The following MAOA variants were observed in gnomAD, a reference collection of about 807,000 sequenced individuals.
The protein encoded by MAOA is amine oxidase [flavin-containing] A.
Under a neutral mutation model 42.0 loss-of-function variants are expected in MAOA, and 6 were observed. That is an observed-to-expected ratio of 0.14 (90% CI 0.08 to 0.28). MAOA has a LOEUF of 0.28. Among genes scored for constraint, MAOA ranks in the 10% least tolerant of loss-of-function variants. MAOA has a pLI of 1.00. For missense variants in MAOA, 262 were observed against 422.3 expected (o/e 0.62, Z 3.33); for synonymous variants, 140 against 154.0 (o/e 0.91, Z 0.67).
intron 1 of MAOA, among the ~76,000 whole-genome samples, chrX:43,657,605 T>C (rs1321823361): frequency 9.0e-6 from 1 of 111,122 alleles, no homozygotes; most frequent in Non-Finnish European, 1.9e-5. Context: ...TGTTTGAAAA[T>C]TAGGAATTTT....
intron 1 of MAOA, among the ~76,000 whole-genome samples, chrX:43,668,199 G>A (rs779827081): frequency 2.5e-4 from 28 of 112,064 alleles, no homozygotes; most frequent in Admixed American, 6.6e-4. Context: ...AGCCAAAATG[G>A]TACCTTATTT....
At chrX:43,725,239 G>T (rs2033822408) in intron 5 of MAOA, among the ~76,000 whole-genome samples, 1 of 111,219 alleles carries the variant, frequency 9.0e-6, no homozygotes, top group African/African-American at 3.3e-5. Context: ...GTTAATTTTT[G>T]TCTTGTTGAT....
At chrX:43,719,040 G>T (rs1325637225) in intron 5 of MAOA, among the ~76,000 whole-genome samples, 1 of 110,277 alleles carries the variant, frequency 9.1e-6, no homozygotes, top group Non-Finnish European at 1.9e-5. Flanking sequence ...CCCTGGTGGT[G>T]CCTGGGGGGA....
Position 43,712,816 on chromosome X carries a change from C to T in MAOA, c.503+20C>T. Reference sequence around the variant, plus strand: ...GACAAAGTAAGTAGACTTGACCATTCAAAATTTACTTTTTATCTTCCCTTC... The same window carrying T: ...GACAAAGTAAGTAGACTTGACCATTTAAAATTTACTTTTTATCTTCCCTTC... On this transcript the variant is annotated intron_variant, in intron 5 of 14. Coordinates refer to ENST00000338702, the MANE Select transcript of MAOA (RefSeq NM_000240.4). The T allele has an allele frequency of 9.1e-7, 1 of 1,101,481 alleles. No homozygotes were observed. The highest frequency in any genetic ancestry group is 1.3e-6 in the Non-Finnish European group (1 of 796,044). The allele number at this position is 1,101,481 out of a possible 1,213,427, so 90.8% of individuals were successfully genotyped here.
intron 1 of MAOA, among the ~76,000 whole-genome samples, chrX:43,680,614 G>T (rs1160045112): frequency 9.1e-6 from 1 of 110,170 alleles, no homozygotes; most frequent in Non-Finnish European, 1.9e-5. Flanking sequence ...GTGATGGTGT[G>T]TGCTTCCATC....
chrX:43,700,646 A>T (rs961193367), intron 3 of MAOA, among the ~76,000 whole-genome samples: 3 of 111,948 alleles, frequency 2.7e-5, no homozygotes, highest in Non-Finnish European at 5.6e-5. Flanking sequence ...AAGACCACAG[A>T]TGTATTCTAT....
At chrX:43,714,101 G>C (rs996720488) in intron 5 of MAOA, among the ~76,000 whole-genome samples, 2 of 111,531 alleles carry the variant, frequency 1.8e-5, no homozygotes, top group Non-Finnish European at 3.8e-5. Context: ...CAAAGGGAGA[G>C]AGGGAAGGTT....
intron 1 of MAOA, among the ~76,000 whole-genome samples, chrX:43,662,021 A>G (rs2033237581): frequency 8.9e-6 from 1 of 111,830 alleles, no homozygotes; most frequent in Non-Finnish European, 1.9e-5. Flanking sequence ...AGTCCACAAC[A>G]TACCACAATT....
intron 3 of MAOA, among the ~76,000 whole-genome samples, chrX:43,700,257 G>A (rs1294297087): frequency 8.9e-6 from 1 of 112,046 alleles, no homozygotes; most frequent in African/African-American, 3.2e-5. Context: ...TGGCTTTCCA[G>A]CTCTAAGCCC....
In MAOA at chrX:43,744,911, G is replaced by T. The variant is rs1163784614; in HGVS notation, c.*398G>T. ...GTCTGTGGAGGTGGAGTAGGTGAAG[G>T]CCCAGCCTGTAACTGTCCTTTTTCT... On this transcript the variant is annotated 3_prime_UTR_variant, in exon 15 of 15. Coordinates refer to ENST00000338702, the MANE Select transcript of MAOA (RefSeq NM_000240.4). 8.6e-6 allele frequency: 2 copies of T among 232,353 alleles called. No individual in the cohort carries two copies. The highest frequency in any genetic ancestry group is 2.9e-5 in the African/African-American group (1 of 34,720). The allele number at this position is 232,353 out of a possible 1,213,427, so 19.1% of individuals were successfully genotyped here.
intron 1 of MAOA, among the ~76,000 whole-genome samples, chrX:43,676,250 G>T (rs1394591457): frequency 3.6e-5 from 4 of 112,139 alleles, no homozygotes; most frequent in Non-Finnish European, 7.5e-5. Context: ...CTCTGAGCCA[G>T]GTGCGGGATT....
chrX:43,716,076 G>A (rs1268764008), intron 5 of MAOA, among the ~76,000 whole-genome samples: 1 of 110,820 alleles, frequency 9.0e-6, no homozygotes, highest in Non-Finnish European at 1.9e-5. Flanking sequence ...ATATCTTCCA[G>A]TAATCACCCA....
intron 4 of MAOA, among the ~76,000 whole-genome samples, chrX:43,712,201 C>T (rs1471063666): frequency 1.8e-5 from 2 of 111,438 alleles, no homozygotes; most frequent in African/African-American, 3.3e-5. Context: ...AACCAGCATA[C>T]CAACCCACTC....
At chrX:43,731,505 A>G (rs903913468) in intron 7 of MAOA, 115 bp downstream of exon 7, 16 of 935,988 alleles carry the variant, frequency 1.7e-5, no homozygotes, top group Admixed American at 2.4e-5. Flanking sequence ...TTTCCGCCTC[A>G]GTCTTCCAAA....
At chrX:43,685,729 G>T (rs1470302434) in intron 2 of MAOA, among the ~76,000 whole-genome samples, 1 of 111,850 alleles carries the variant, frequency 8.9e-6, no homozygotes, top group Non-Finnish European at 1.9e-5. Flanking sequence ...CCCTATCTCA[G>T]AACTGCTGAA....
At chrX:43,668,927 TATTTC>T (rs748559261) in intron 1 of MAOA, among the ~76,000 whole-genome samples, 10 of 111,855 alleles carry the variant, frequency 8.9e-5, no homozygotes, top group Non-Finnish European at 1.9e-4. Flanking sequence ...TTTATAATAC[TATTTC>T]CTTTTATCAA....
At chrX:43,716,530 G>A (rs1429545670) in intron 5 of MAOA, among the ~76,000 whole-genome samples, 1 of 110,813 alleles carries the variant, frequency 9.0e-6, no homozygotes, top group Non-Finnish European at 1.9e-5. Flanking sequence ...TTTTGGTGAG[G>A]GAGTGGTATC....
At chrX:43,700,801 A>G (rs2033618767) in intron 3 of MAOA, among the ~76,000 whole-genome samples, 1 of 112,501 alleles carries the variant, frequency 8.9e-6, no homozygotes, top group Non-Finnish European at 1.9e-5. Flanking sequence ...ATACCATTAT[A>G]TCCTGCCTGA....
rs779060670 is a variant in MAOA, at chrX:43,714,790, G to A, written c.503+1994G>A. ...TTAGGTAGTGTGTGTGTGTGGTGGG[G>A]AAATGGGGCGGGGGTGGGGTGGGGA... On this transcript the variant is annotated intron_variant, in intron 5 of 14. Transcript: ENST00000338702. 1.2e-3 allele frequency among the ~76,000 whole-genome samples: 109 copies of A among 89,791 alleles called. 1 individual carries two copies. The highest frequency in any genetic ancestry group is 2.1e-3 in the Non-Finnish European group (94 of 45,162). 78.0% of individuals were successfully genotyped at this position (89,791 alleles called of 115,157 possible).
Sources: allele counts gnomAD v4.1 joint callset (sites outside exome capture counted in the v4.1 genomes callset), GRCh38; gene constraint gnomAD v4.1.1; transcripts MANE v1.5; gene names NCBI Gene and HGNC (gene_info 2026-07-23, HGNC 2026-07-21).